Variants in OR51B5 observed in about 807,000 individuals in gnomAD.
The protein encoded by OR51B5 is olfactory receptor family 51 subfamily B member 5.
For synonymous variants in OR51B5, 186 were observed against 144.8 expected (o/e 1.28, Z -2.04); for missense variants, 456 against 374.6 (o/e 1.22, Z -1.79).
rs549410247 is a variant in OR51B5, at chr11:5,441,868, T to C, written n.84+63701A>G. On this transcript the variant is annotated intron_variant and non_coding_transcript_variant, in intron 1 of 4. Transcript: ENST00000415970. ...TTTGGAAAGTCTTTGGTAGATAGCA[T>C]AGATGGAACATCTACTACTATAAAT... is the stretch of plus-strand genomic sequence containing the variant. Among the ~76,000 whole-genome samples, 80 of 152,318 alleles carry C rather than the reference T, an allele frequency of 5.3e-4. 2 individuals are homozygous for C. The South Asian group carries it at 0.015, about 29-fold the overall frequency.
intron 1 of OR51B5, among the ~76,000 whole-genome samples, chr11:5,404,824 G>C (rs1202248029): frequency 2.0e-5 from 3 of 152,184 alleles, no homozygotes; most frequent in African/African-American, 7.2e-5. Context: ...CCATCTTTAA[G>C]AGCTGTAACA....
intron 1 of OR51B5, chr11:5,453,494 G>T: frequency 6.5e-7 from 1 of 1,542,394 alleles, no homozygotes; most frequent in East Asian, 2.3e-5. Context: ...TTGCTATGGG[G>T]TTGTTCAATG....
chr11:5,438,924 C>T (rs74981918), intron 1 of OR51B5, among the ~76,000 whole-genome samples: 9,195 of 152,192 alleles, frequency 0.06, 323 homozygotes, highest in South Asian at 0.094. Flanking sequence ...CATATCCCAT[C>T]TAAAGAGGGA....
At chr11:5,494,046 C>G (rs1180831052) in intron 1 of OR51B5, among the ~76,000 whole-genome samples, 2 of 152,156 alleles carry the variant, frequency 1.3e-5, no homozygotes, top group Non-Finnish European at 2.9e-5. Flanking sequence ...CAGACTGAGC[C>G]TCATAGCTGG....
At chr11:5,434,842 TC>T (rs1352641574) in intron 1 of OR51B5, among the ~76,000 whole-genome samples, 1 of 152,152 alleles carries the variant, frequency 6.6e-6, no homozygotes, top group Non-Finnish European at 1.5e-5. Context: ...AGAATCTAGT[TC>T]TTCCAATTAT....
At chr11:5,488,019 A>C (rs1178413485) in intron 1 of OR51B5, among the ~76,000 whole-genome samples, 1 of 152,204 alleles carries the variant, frequency 6.6e-6, no homozygotes, top group Non-Finnish European at 1.5e-5. Flanking sequence ...TGCAGAAAAA[A>C]AGTTAATGCA....
At chr11:5,343,365 G>A (rs898490372) in exon 1 of OR51B5, 5 of 1,613,616 alleles carry the variant, frequency 3.1e-6, no homozygotes, top group Non-Finnish European at 4.2e-6. Flanking sequence ...ATGGGCTCAT[G>A]AAGATTGTGA....
intron 1 of OR51B5, chr11:5,453,986 G>A: frequency 6.2e-7 from 1 of 1,614,000 alleles, no homozygotes; most frequent in Non-Finnish European, 8.5e-7. Flanking sequence ...TTAAGAGGCT[G>A]CCTATCTGCA....
In OR51B5 at chr11:5,351,842, T is replaced by C. The variant is rs147852812; in HGVS notation, n.85-4932A>G. The C allele has an allele frequency of 6.2e-6, 10 of 1,613,932 alleles. No homozygotes were observed. The African/African-American group carries it at 1.2e-4, about 19-fold the overall frequency. The stretch of plus-strand genomic sequence containing the variant: ...ACTCTTTCTGTCATGGAGTCAGGTG[T>C]CTTGCTTGCCATGGCTTATGACTGT... On this transcript the variant is annotated intron_variant and non_coding_transcript_variant, in intron 1 of 4. Transcript: ENST00000415970.
chr11:5,422,237 T>C (rs1163121555), intron 1 of OR51B5: 3 of 1,613,414 alleles, frequency 1.9e-6, no homozygotes, highest in Non-Finnish European at 2.5e-6. Flanking sequence ...AGAAGGCATC[T>C]ACTTCATCCT....
chr11:5,376,808 G>T lies in OR51B5; in HGVS notation n.85-29898C>A, dbSNP rs951979332. Among the ~76,000 whole-genome samples the T allele has an allele frequency of 9.7e-4, 147 of 151,018 alleles. 1 individual carries two copies. The highest frequency in any genetic ancestry group is 3.4e-3 in the African/African-American group (139 of 41,064). ...ACCAATAACAGGATCTGAAATTGTG[G>T]CAATAATCAATAGCTTACCAACCAA... On this transcript the variant is annotated intron_variant and non_coding_transcript_variant, in intron 1 of 4. Transcript: ENST00000415970.
chr11:5,469,876 A>C (rs1851200458), intron 1 of OR51B5, among the ~76,000 whole-genome samples: 1 of 152,030 alleles, frequency 6.6e-6, no homozygotes, highest in Non-Finnish European at 1.5e-5. Context: ...GCAAGTGATG[A>C]CATCTTTTGT....
At chr11:5,379,441 C>G (rs901366959) in intron 1 of OR51B5, among the ~76,000 whole-genome samples, 14 of 150,296 alleles carry the variant, frequency 9.3e-5, no homozygotes, top group African/African-American at 3.4e-4. Flanking sequence ...GCACATGTAC[C>G]CTAAATCTTA....
intron 1 of OR51B5, chr11:5,389,635 C>G (rs535296899): frequency 1.2e-6 from 2 of 1,613,692 alleles, no homozygotes; most frequent in South Asian, 2.2e-5. Context: ...CCTTGCTGGC[C>G]CTCACTGACC....
intron 1 of OR51B5, among the ~76,000 whole-genome samples, chr11:5,360,850 A>T (rs1849273226): frequency 6.6e-6 from 1 of 151,264 alleles, no homozygotes; most frequent in African/African-American, 2.4e-5. Context: ...AGGGACATGG[A>T]TGAAGCTGGA....
intron 1 of OR51B5, among the ~76,000 whole-genome samples, chr11:5,366,578 C>T (rs2133702864): frequency 6.6e-6 from 1 of 151,692 alleles, no homozygotes; most frequent in African/African-American, 2.4e-5. Flanking sequence ...CATTGCACTC[C>T]AGCAGCCTGG....
intron 1 of OR51B5, among the ~76,000 whole-genome samples, chr11:5,475,870 A>C (rs906865002): frequency 6.6e-6 from 1 of 151,768 alleles, no homozygotes; most frequent in Non-Finnish European, 1.5e-5. Context: ...GGTAGGGTAC[A>C]TGTGACTAGC....
At chr11:5,472,331 A>T (rs902311213) in intron 1 of OR51B5, among the ~76,000 whole-genome samples, 4 of 152,200 alleles carry the variant, frequency 2.6e-5, no homozygotes, top group African/African-American at 9.7e-5. Flanking sequence ...GAAGCTATGA[A>T]GGAGGTGCCT....
At chr11:5,454,096 T>G (rs144010484) in intron 1 of OR51B5, 11 of 1,614,234 alleles carry the variant, frequency 6.8e-6, no homozygotes, top group Non-Finnish European at 9.3e-6. Context: ...CTCTTTGTTC[T>G]TGTATCCACC....
Sources: allele counts gnomAD v4.1 joint callset (sites outside exome capture counted in the v4.1 genomes callset), GRCh38; gene constraint gnomAD v4.1.1; transcripts MANE v1.5; gene names NCBI Gene and HGNC (gene_info 2026-07-23, HGNC 2026-07-21).